The following MND1 variants were observed in gnomAD, a reference collection of about 807,000 sequenced individuals.
MND1 encodes the protein meiotic nuclear division protein 1 homolog.
A neutral mutation model predicts 35.1 loss-of-function variants in MND1; 28 were observed. The ratio of observed to expected loss-of-function variants is 0.80; its 90% CI spans 0.59 to 1.09. The LOEUF (loss-of-function observed/expected upper bound fraction) is 1.09. Among genes scored for constraint, MND1 ranks in the 50% least tolerant of loss-of-function variants. MND1 has a pLI of 0.00. For synonymous variants in MND1, 69 were observed against 70.5 expected, an observed-to-expected ratio of 0.98 and a Z score of 0.11; for missense variants, 213 against 239.6, an observed-to-expected ratio of 0.89 and a Z score of 0.73.
rs1178583473 is a variant in MND1 at position 153,381,705 on chromosome 4, T to A, written c.277-12557T>A. 4.0e-3 allele frequency: 241 copies of A among 60,954 alleles called. 11 individuals carry two copies. The highest frequency in any genetic ancestry group is 0.019 in the African/African-American group (206 of 11,024). 3.8% of individuals were successfully genotyped at this position (60,954 alleles called of 1,614,324 possible). The stretch of plus-strand genomic sequence containing the variant: ...ATATATATATATATTTTTTTTTTTT[T>A]TTTTTTTTTTTTTTTTTTAAGAGAT... On this transcript the variant is annotated intron_variant, in intron 4 of 7. Transcript: ENST00000240488.
intron 4 of MND1, among the ~76,000 whole-genome samples, chr4:153,362,111 C>G (rs867822229): frequency 6.6e-6 from 1 of 152,136 alleles, no homozygotes; most frequent in Admixed American, 6.5e-5. Context: ...TAGATTTTAT[C>G]TCTAGAAATT....
intron 4 of MND1, among the ~76,000 whole-genome samples, chr4:153,378,801 T>C (rs2149644364): frequency 6.6e-6 from 1 of 152,340 alleles, no homozygotes; most frequent in Admixed American, 6.5e-5. Flanking sequence ...TATACCTGTA[T>C]GGAGTCTCTG....
chr4:153,350,151 T>C, intron 2 of MND1, 22 bp downstream of exon 2: 2 of 1,543,088 alleles, frequency 1.3e-6, no homozygotes, highest in Non-Finnish European at 1.8e-6. Flanking sequence ...TCTTTAACAC[T>C]TATAATTTTG....
intron 1 of MND1, among the ~76,000 whole-genome samples, chr4:153,348,985 ATTTATATTCC>A (rs1033138529): frequency 6.6e-6 from 1 of 152,156 alleles, no homozygotes; most frequent in African/African-American, 2.4e-5. Context: ...TAAGCAAACA[ATTTATATTCC>A]TTTATAATCC....
At chr4:153,352,086 G>A (rs1773229142) in intron 2 of MND1, among the ~76,000 whole-genome samples, 1 of 152,182 alleles carries the variant, frequency 6.6e-6, no homozygotes, top group Admixed American at 6.5e-5. Context: ...GAGAGGGTAG[G>A]AACCTTCAGG....
At chr4:153,394,053 A>G (rs1363806800) in intron 4 of MND1, among the ~76,000 whole-genome samples, 1 of 144,962 alleles carries the variant, frequency 6.9e-6, no homozygotes, top group Non-Finnish European at 1.5e-5. Flanking sequence ...GTGCGCCACC[A>G]CACCCAGCTC....
chr4:153,379,772 C>T (rs1187419080), intron 4 of MND1, among the ~76,000 whole-genome samples: 2 of 147,570 alleles, frequency 1.4e-5, no homozygotes, highest in African/African-American at 5.0e-5. Context: ...ATCGCTTGAA[C>T]CCGGGAGGCA....
intron 4 of MND1, among the ~76,000 whole-genome samples, chr4:153,373,347 A>G (rs1204964571): frequency 2.6e-5 from 4 of 152,120 alleles, no homozygotes; most frequent in Non-Finnish European, 5.9e-5. Flanking sequence ...AACTAGGCAT[A>G]ATGGGGGCTG....
intron 2 of MND1, among the ~76,000 whole-genome samples, chr4:153,354,223 A>G (rs1316405930): frequency 2.0e-5 from 3 of 152,186 alleles, no homozygotes; most frequent in African/African-American, 7.2e-5. Flanking sequence ...TGTGGTAGAC[A>G]TGCAACATGT....
intron 2 of MND1, among the ~76,000 whole-genome samples, chr4:153,350,951 TAAAAA>T (rs567868452): frequency 7.0e-4 from 87 of 123,518 alleles, no homozygotes; most frequent in African/African-American, 2.4e-3. Context: ...AGATTCTTAG[TAAAAA>T]AAAAAAAAAA....
chr4:153,392,137 T>C (rs940117225), intron 4 of MND1, among the ~76,000 whole-genome samples: 3 of 151,882 alleles, frequency 2.0e-5, no homozygotes, highest in Non-Finnish European at 2.9e-5. Flanking sequence ...AGTCTTGCTC[T>C]GTCACCCAGG....
At chr4:153,389,662 A>G (rs976289227) in intron 4 of MND1, among the ~76,000 whole-genome samples, 3 of 152,178 alleles carry the variant, frequency 2.0e-5, no homozygotes, top group African/African-American at 4.8e-5. Context: ...CGCCCAGCCC[A>G]TGCCTTTTTA....
At position 153,358,558 on chromosome 4, in the gene MND1, A is replaced by G; in HGVS notation, c.212A>G (p.Tyr71Cys). 2 of 1,613,658 alleles carry G rather than the reference A, an allele frequency of 1.2e-6. No homozygotes were observed. Among genetic ancestry groups the G allele is most frequent in the Non-Finnish European group, 1.7e-6 (2 of 1,179,788 alleles). Reference protein sequence around the residue: ...DCERIGTSNYYWAFPSKALHA... With the variant: ...DCERIGTSNYCWAFPSKALHA... ...GAGAGGATCGGAACTTCTAATTATT[A>G]TTGGGCTTTTCCAAGTAAAGCTCTT... The change falls in exon 4 of 8, where the codon TAT becomes TGT. Residue 71 changes from tyrosine (Y) to cysteine (C), a missense_variant. Tyr to Cys is a radical substitution (Grantham distance 194). Transcript: ENST00000240488.
At chr4:153,388,361 C>A (rs1319470279) in intron 4 of MND1, among the ~76,000 whole-genome samples, 2 of 152,074 alleles carry the variant, frequency 1.3e-5, no homozygotes, top group East Asian at 3.9e-4. Flanking sequence ...GTGGTACATG[C>A]CTGTAGTCCC....
intron 4 of MND1, among the ~76,000 whole-genome samples, chr4:153,387,103 G>A (rs913769930): frequency 1.2e-4 from 18 of 152,170 alleles, no homozygotes; most frequent in African/African-American, 4.1e-4. Flanking sequence ...TTAAAAGTAT[G>A]TTTCACAACA....
intron 6 of MND1, among the ~76,000 whole-genome samples, chr4:153,404,832 A>G (rs1027871683): frequency 1.3e-5 from 2 of 152,102 alleles, no homozygotes; most frequent in African/African-American, 4.8e-5. Flanking sequence ...TAGCTAGACA[A>G]AAGAGAAATA....
At chr4:153,414,013 C>T (rs1274564872) in intron 7 of MND1, among the ~76,000 whole-genome samples, 1 of 152,060 alleles carries the variant, frequency 6.6e-6, no homozygotes, top group Non-Finnish European at 1.5e-5. Flanking sequence ...CTGCTCCCCA[C>T]CCCCTCTCCC....
rs1366235778 is a variant in MND1, at chr4:153,394,278, A to G, written c.293A>G (p.Gln98Arg). 3 of 1,612,496 alleles carry G rather than the reference A, an allele frequency of 1.9e-6. No individual in the cohort carries two copies. Among genetic ancestry groups the G allele is most frequent in the Non-Finnish European group, 1.7e-6 (2 of 1,178,940 alleles). Residue 98 changes from glutamine to arginine, a missense_variant, in exon 5 of 8, where the codon CAA (glutamine) becomes CGA (arginine). Coordinates refer to ENST00000240488, the MANE Select transcript of MND1 (RefSeq NM_032117.4). ...ATTCTCTAGTTGTCTGAGGGAAGTCAAAAGCATGCAAGCCTACAGAAAAGC... is the reference window on the plus strand; with the variant it reads ...ATTCTCTAGTTGTCTGAGGGAAGTCGAAAGCATGCAAGCCTACAGAAAAGC... The part of the protein sequence containing the change: ...VLESQLSEGS[Q>R]KHASLQKSIE...
intron 6 of MND1, among the ~76,000 whole-genome samples, chr4:153,397,825 AAG>A (rs1729241218): frequency 6.6e-6 from 1 of 152,322 alleles, no homozygotes; most frequent in South Asian, 2.1e-4. Flanking sequence ...CTCAAAAAAA[AAG>A]AGAGAAGTCT....
Sources: gnomAD v4.1 joint callset for allele counts (sites outside exome capture counted in the v4.1 genomes callset) on GRCh38, gnomAD v4.1.1 for gene constraint, MANE v1.5 for transcripts, NCBI Gene and HGNC (gene_info 2026-07-23, HGNC 2026-07-21) for gene names.